The following TENM4 variants were observed in gnomAD, a reference collection of about 807,000 sequenced individuals.
The protein encoded by TENM4 is teneurin transmembrane protein 4, also known as teneurin-4.
In TENM4, 82 loss-of-function variants were observed where a neutral mutation model predicts 243.3. The observed-to-expected ratio is 0.34, with a 90% confidence interval of 0.28 to 0.40. TENM4 has a LOEUF of 0.40. Among genes scored for constraint, TENM4 ranks in the 10% least tolerant of loss-of-function variants. The pLI is 1.00. For synonymous variants in TENM4, 1,412 were observed against 1,456.3 expected, an observed-to-expected ratio of 0.97 and a Z score of 0.69; for missense variants, 3,138 against 3,673.3, an observed-to-expected ratio of 0.85 and a Z score of 3.77.
chr11:79,136,823 A>G (rs1311417277), intron 4 of TENM4, among the ~76,000 whole-genome samples: 1 of 152,170 alleles, frequency 6.6e-6, no homozygotes, highest in Non-Finnish European at 1.5e-5. Flanking sequence ...TGCTCATGGA[A>G]TTCACTGGTC....
At chr11:79,422,557 C>T (rs886741068) in intron 1 of TENM4, among the ~76,000 whole-genome samples, 1 of 152,166 alleles carries the variant, frequency 6.6e-6, no homozygotes, top group African/African-American at 2.4e-5. Context: ...TGTTTGTCTG[C>T]CTCCATGAGT....
chr11:79,008,051 A>C (rs1858538622), intron 6 of TENM4, among the ~76,000 whole-genome samples: 1 of 152,164 alleles, frequency 6.6e-6, no homozygotes. Context: ...TCAGTCTTGC[A>C]TGCAGGGTGC....
At chr11:78,838,201 C>T (rs486058) in intron 12 of TENM4, among the ~76,000 whole-genome samples, 25,677 of 152,106 alleles carry the variant, frequency 0.17, 2,957 homozygotes, top group Middle Eastern at 0.28. Flanking sequence ...ATGTTTATTG[C>T]GTACTATACA....
intron 12 of TENM4, among the ~76,000 whole-genome samples, chr11:78,838,203 T>C (rs953039713): frequency 6.6e-6 from 1 of 152,220 alleles, no homozygotes; most frequent in Non-Finnish European, 1.5e-5. Context: ...GTTTATTGCG[T>C]ACTATACATT....
intron 15 of TENM4, among the ~76,000 whole-genome samples, chr11:78,793,143 G>A (rs1448669741): frequency 6.6e-6 from 1 of 152,162 alleles, no homozygotes; most frequent in Non-Finnish European, 1.5e-5. Context: ...TTACAATCCT[G>A]TTCATTAAAA....
At chr11:79,213,428 T>C (rs1389924847) in intron 3 of TENM4, among the ~76,000 whole-genome samples, 1 of 152,158 alleles carries the variant, frequency 6.6e-6, no homozygotes, top group African/African-American at 2.4e-5. Flanking sequence ...TGTCTAGTAA[T>C]ATACACACCA....
chr11:79,025,319 G>A (rs1859048412), intron 6 of TENM4, among the ~76,000 whole-genome samples: 1 of 152,166 alleles, frequency 6.6e-6, no homozygotes, highest in Non-Finnish European at 1.5e-5. Context: ...CTGCCAGAAG[G>A]GGACATCTAG....
intron 9 of TENM4, among the ~76,000 whole-genome samples, chr11:78,882,556 G>A (rs541855994): frequency 6.6e-6 from 1 of 152,306 alleles, no homozygotes; most frequent in Non-Finnish European, 1.5e-5. Context: ...AAAAAGAAGG[G>A]AAGTCTAATA....
intron 6 of TENM4, among the ~76,000 whole-genome samples, chr11:79,032,237 A>G (rs1263692695): frequency 6.6e-6 from 1 of 152,178 alleles, no homozygotes; most frequent in Non-Finnish European, 1.5e-5. Flanking sequence ...CCAGCTGGAG[A>G]TGTGAGATCA....
In TENM4 at chr11:79,245,609, A is replaced by C. The variant is rs149829555; in HGVS notation, c.-264-29700T>G. The stretch of plus-strand genomic sequence containing the variant: ...AGATGTCACGTGAAAAGTACCTAGC[A>C]TATAACACTTTATAGAAAAAGAAAG... On this transcript the variant is annotated intron_variant, in intron 2 of 33. Coordinates refer to ENST00000278550, the MANE Select transcript of TENM4 (RefSeq NM_001098816.3). Among the ~76,000 whole-genome samples, 359 of 152,328 alleles carry C rather than the reference A, an allele frequency of 2.4e-3. 1 individual carries two copies. The highest frequency in any genetic ancestry group is 8.3e-3 in the African/African-American group (345 of 41,586).
intron 6 of TENM4, among the ~76,000 whole-genome samples, chr11:78,927,227 C>A (rs199701743): frequency 6.6e-6 from 1 of 152,116 alleles, no homozygotes; most frequent in Non-Finnish European, 1.5e-5. Flanking sequence ...CTGCTGTGTG[C>A]CATTTTTTAA....
intron 6 of TENM4, among the ~76,000 whole-genome samples, chr11:78,965,383 A>G (rs1857416721): frequency 6.6e-6 from 1 of 152,082 alleles, no homozygotes; most frequent in South Asian, 2.1e-4. Context: ...GGCCACATGT[A>G]TTAAGCCAAT....
At chr11:79,424,083 G>C (rs536363320) in intron 1 of TENM4, among the ~76,000 whole-genome samples, 1 of 152,320 alleles carries the variant, frequency 6.6e-6, no homozygotes, top group Admixed American at 6.5e-5. Flanking sequence ...CAAGAGTTTA[G>C]TTTGTCTGCC....
chr11:79,389,693 CA>C (rs1282609361), intron 1 of TENM4, among the ~76,000 whole-genome samples: 1 of 152,218 alleles, frequency 6.6e-6, no homozygotes, highest in Non-Finnish European at 1.5e-5. Context: ...TCCAATTAAG[CA>C]AACTCCAATT....
At chr11:79,177,268 C>G (rs2135129921) in intron 3 of TENM4, among the ~76,000 whole-genome samples, 1 of 152,246 alleles carries the variant, frequency 6.6e-6, no homozygotes, top group East Asian at 1.9e-4. Flanking sequence ...GTTTTCAAAC[C>G]TAGTGCACCC....
chr11:79,122,137 C>T (rs1415231223), intron 4 of TENM4, among the ~76,000 whole-genome samples: 1 of 152,120 alleles, frequency 6.6e-6, no homozygotes, highest in Admixed American at 6.5e-5. Context: ...TCCTTTCTTC[C>T]TACAGTGGGC....
chr11:79,141,396 G>A (rs117819794), intron 4 of TENM4, among the ~76,000 whole-genome samples: 8,390 of 145,952 alleles, frequency 0.057, 335 homozygotes, highest in Non-Finnish European at 0.082. Context: ...CCTAGAAGAA[G>A]TGGATAAATT....
chr11:79,137,365 A>C (rs1862130068), intron 4 of TENM4, among the ~76,000 whole-genome samples: 1 of 152,198 alleles, frequency 6.6e-6, no homozygotes, highest in Non-Finnish European at 1.5e-5. Flanking sequence ...CAGGAGATCC[A>C]TTAGGGCATC....
At chr11:79,019,051 G>A (rs558825237) in intron 6 of TENM4, among the ~76,000 whole-genome samples, 1 of 152,244 alleles carries the variant, frequency 6.6e-6, no homozygotes, top group East Asian at 1.9e-4. Context: ...TCCACTCATG[G>A]GGAAGCGAAG....
Sources: allele counts gnomAD v4.1 joint callset (sites outside exome capture counted in the v4.1 genomes callset), GRCh38; gene constraint gnomAD v4.1.1; transcripts MANE v1.5; gene names NCBI Gene and HGNC (gene_info 2026-07-23, HGNC 2026-07-21).